JAZF1: variants seen among roughly 807,000 people sequenced by gnomAD.
JAZF1 encodes JAZF zinc finger 1, also known as juxtaposed with another zinc finger protein 1.
JAZF1 carries 8 observed loss-of-function variants against 26.4 expected under a neutral mutation model. That is an observed-to-expected ratio of 0.30 (90% CI 0.18 to 0.55). The LOEUF is 0.55. Ranked by LOEUF, JAZF1 falls within the 20% of genes least tolerant of loss-of-function variation. The pLI, the probability that JAZF1 is intolerant of heterozygous loss-of-function variation, is 0.94. For missense variants in JAZF1, 199 were observed against 322.0 expected (o/e 0.62, Z 2.92); for synonymous variants, 126 against 122.3 (o/e 1.03, Z -0.20).
intron 2 of JAZF1, among the ~76,000 whole-genome samples, chr7:27,950,508 C>A (rs1027467444): frequency 2.6e-5 from 4 of 152,190 alleles, no homozygotes; most frequent in Non-Finnish European, 4.4e-5. Flanking sequence ...CCCACACCCA[C>A]GGGACCTTTG....
intron 3 of JAZF1, among the ~76,000 whole-genome samples, chr7:27,870,075 A>ATTTT (rs371770357): frequency 3.3e-5 from 4 of 120,662 alleles, no homozygotes; most frequent in Non-Finnish European, 3.3e-5. Flanking sequence ...CACCCGGTTA[A>ATTTT]TTTTTTTTTT....
intron 1 of JAZF1, among the ~76,000 whole-genome samples, chr7:28,002,728 T>G (rs1317436284): frequency 6.6e-6 from 1 of 152,170 alleles, no homozygotes; most frequent in Admixed American, 6.5e-5. Context: ...TGCTGGCTGC[T>G]GCCCAAGAGC....
chr7:27,883,211 T>C (rs531228920), intron 3 of JAZF1, among the ~76,000 whole-genome samples: 2 of 152,312 alleles, frequency 1.3e-5, no homozygotes, highest in African/African-American at 4.8e-5. Flanking sequence ...CTTGTGATCT[T>C]TTTTGATATT....
intron 1 of JAZF1, among the ~76,000 whole-genome samples, chr7:28,150,688 G>A (rs1356138642): frequency 6.6e-6 from 1 of 152,156 alleles, no homozygotes; most frequent in Admixed American, 6.5e-5. Context: ...GCCTCACACG[G>A]GGGAGACATT....
At chr7:28,175,364 C>T (rs1362672789) in intron 1 of JAZF1, among the ~76,000 whole-genome samples, 5 of 152,148 alleles carry the variant, frequency 3.3e-5, no homozygotes, top group African/African-American at 4.8e-5. Flanking sequence ...ATGTTAATCT[C>T]GAAGGTAGAC....
At chr7:27,952,306 G>A (rs1785023758) in intron 2 of JAZF1, among the ~76,000 whole-genome samples, 2 of 152,224 alleles carry the variant, frequency 1.3e-5, no homozygotes, top group Admixed American at 1.3e-4. Context: ...GAGGAGGTAC[G>A]TTGTGAGAAA....
intron 1 of JAZF1, among the ~76,000 whole-genome samples, chr7:27,997,663 G>A (rs1382090132): frequency 2.0e-5 from 3 of 152,134 alleles, no homozygotes; most frequent in Non-Finnish European, 4.4e-5. Flanking sequence ...CAAACTCTGG[G>A]CTCAAGATAT....
intron 2 of JAZF1, among the ~76,000 whole-genome samples, chr7:27,922,882 T>G (rs980937168): frequency 1.2e-4 from 18 of 152,210 alleles, no homozygotes; most frequent in Admixed American, 1.2e-3. Context: ...ATGATCAACA[T>G]TCGCCTAGAA....
intron 2 of JAZF1, among the ~76,000 whole-genome samples, chr7:27,900,342 G>A (rs72598552): frequency 0.18 from 27,992 of 152,072 alleles, 3,283 homozygotes; most frequent in East Asian, 0.46. Flanking sequence ...TTAACTCAAG[G>A]CTCATCACTT....
At chr7:27,837,671 G>A (rs1782842828) in intron 4 of JAZF1, among the ~76,000 whole-genome samples, 1 of 152,200 alleles carries the variant, frequency 6.6e-6, no homozygotes, top group Non-Finnish European at 1.5e-5. Context: ...CTGGAGCTGT[G>A]CTGGAGAAAG....
At chr7:28,026,075 C>A (rs879884210) in intron 1 of JAZF1, among the ~76,000 whole-genome samples, 2 of 152,124 alleles carry the variant, frequency 1.3e-5, no homozygotes, top group Non-Finnish European at 2.9e-5. Context: ...CTTATGGTCA[C>A]CCTGGTCATA....
chr7:27,837,734 C>T (rs528162405), intron 4 of JAZF1, among the ~76,000 whole-genome samples: 7 of 152,158 alleles, frequency 4.6e-5, no homozygotes, highest in East Asian at 3.9e-4. Context: ...ACAGGGGACC[C>T]GAATATGCAA....
chr7:28,115,027 A>G (rs1784720092), intron 1 of JAZF1, among the ~76,000 whole-genome samples: 1 of 152,170 alleles, frequency 6.6e-6, no homozygotes, highest in Non-Finnish European at 1.5e-5. Context: ...CTCAGAGACT[A>G]TTTACAAAGG....
chr7:28,064,268 C>T (rs1783845217), intron 1 of JAZF1, among the ~76,000 whole-genome samples: 1 of 151,664 alleles, frequency 6.6e-6, no homozygotes, highest in Admixed American at 6.6e-5. Flanking sequence ...TATTTCAAAC[C>T]TCATCATTTT....
chr7:27,873,656 T>C (rs1227657340), intron 3 of JAZF1, among the ~76,000 whole-genome samples: 1 of 152,226 alleles, frequency 6.6e-6, no homozygotes, highest in Non-Finnish European at 1.5e-5. Flanking sequence ...TTAACCATGA[T>C]AGCGGTTCAC....
At chr7:28,091,494 G>A (rs939246302) in intron 1 of JAZF1, among the ~76,000 whole-genome samples, 1 of 151,350 alleles carries the variant, frequency 6.6e-6, no homozygotes, top group East Asian at 1.9e-4. Flanking sequence ...TCCACTTTTT[G>A]AGAAAAGAGA....
chr7:28,160,721 T>C (rs1188420956), intron 1 of JAZF1, among the ~76,000 whole-genome samples: 2 of 152,136 alleles, frequency 1.3e-5, no homozygotes, highest in Admixed American at 1.3e-4. Flanking sequence ...TCGAAACAGC[T>C]CCATAGTCAG....
chr7:28,176,221 A>T (rs1783549512), intron 1 of JAZF1, among the ~76,000 whole-genome samples: 1 of 152,248 alleles, frequency 6.6e-6, no homozygotes, highest in Non-Finnish European at 1.5e-5. Context: ...GGGCCCTTGC[A>T]GGGAAATGTT....
intron 3 of JAZF1, among the ~76,000 whole-genome samples, chr7:27,871,293 G>A (rs948042380): frequency 3.3e-5 from 5 of 152,138 alleles, no homozygotes; most frequent in South Asian, 2.1e-4. Context: ...GTGTGCCAAC[G>A]GGGTTGTGAC....
Sources: allele counts gnomAD v4.1 joint callset (sites outside exome capture counted in the v4.1 genomes callset), GRCh38; gene constraint gnomAD v4.1.1; transcripts MANE v1.5; gene names NCBI Gene and HGNC (gene_info 2026-07-23, HGNC 2026-07-21).